The following LIN28B variants were observed in gnomAD, a reference collection of about 807,000 sequenced individuals.
The protein encoded by LIN28B is lin-28 RNA binding posttranscriptional regulator B.
In LIN28B, 5 loss-of-function variants were observed where a neutral mutation model predicts 21.9. The ratio of observed to expected loss-of-function variants is 0.23; its 90% CI spans 0.12 to 0.48. LIN28B has a LOEUF of 0.48. Among genes scored for constraint, LIN28B ranks in the 20% least tolerant of loss-of-function variants. The pLI, the probability that LIN28B is intolerant of heterozygous loss-of-function variation, is 0.98. For synonymous variants in LIN28B, 109 were observed against 111.3 expected (o/e 0.98, Z 0.13); for missense variants, 245 against 310.5 (o/e 0.79, Z 1.58).
chr6:104,990,622 G>T (rs1770444166), intron 2 of LIN28B, among the ~76,000 whole-genome samples: 1 of 150,350 alleles, frequency 6.7e-6, no homozygotes, highest in Non-Finnish European at 1.5e-5. Flanking sequence ...GGGGGATTTG[G>T]CAGGGTCATA....
At chr6:105,033,166 G>A (rs1374749490) in intron 3 of LIN28B, among the ~76,000 whole-genome samples, 1 of 152,022 alleles carries the variant, frequency 6.6e-6, no homozygotes, top group Non-Finnish European at 1.5e-5. Context: ...AATATGAATT[G>A]TTCAAACATC....
At chr6:105,052,122 G>C (rs1011584092) in intron 3 of LIN28B, among the ~76,000 whole-genome samples, 1 of 152,128 alleles carries the variant, frequency 6.6e-6, no homozygotes, top group African/African-American at 2.4e-5. Context: ...CAAAGATTCC[G>C]AGGCATTAAT....
chr6:105,070,172 C>A (rs916067141), intron 3 of LIN28B, among the ~76,000 whole-genome samples: 2 of 152,160 alleles, frequency 1.3e-5, no homozygotes, highest in Non-Finnish European at 2.9e-5. Flanking sequence ...TCCTGGGAAA[C>A]TTTAAAAAGT....
rs545820584 is a variant in LIN28B, at chr6:105,030,781, A to T, written c.383+4299A>T. Among the ~76,000 whole-genome samples the T allele has an allele frequency of 5.9e-4, 90 of 151,812 alleles. No homozygotes were observed. In the South Asian group the frequency reaches 0.018, roughly 30 times the overall value. ...CTGGCTAATTTTGTATTTTTAATAG[A>T]GATGGGTTTTCACCATGTTGGCCAG... On this transcript the variant is annotated intron_variant, in intron 3 of 3. Coordinates refer to ENST00000345080, the MANE Select transcript of LIN28B (RefSeq NM_001004317.4).
At chr6:105,042,930 T>C (rs905800259) in intron 3 of LIN28B, among the ~76,000 whole-genome samples, 1 of 152,168 alleles carries the variant, frequency 6.6e-6, no homozygotes, top group Admixed American at 6.5e-5. Flanking sequence ...TGATTTCTGC[T>C]CTTGTGAGCT....
intron 2 of LIN28B, among the ~76,000 whole-genome samples, chr6:104,993,389 G>A (rs1000304526): frequency 6.6e-6 from 1 of 151,638 alleles, no homozygotes; most frequent in Non-Finnish European, 1.5e-5. Context: ...GATCACTTGA[G>A]CTCAGGATTT....
intron 3 of LIN28B, among the ~76,000 whole-genome samples, chr6:105,050,606 C>T (rs1771879507): frequency 7.7e-4 from 1 of 1,300 alleles, no homozygotes; most frequent in East Asian, 0.012. Context: ...GAGACTCCGT[C>T]TCAAAAAAAA....
At chr6:104,991,795 G>A (rs915008804) in intron 2 of LIN28B, among the ~76,000 whole-genome samples, 6 of 152,198 alleles carry the variant, frequency 3.9e-5, no homozygotes, top group African/African-American at 1.4e-4. Context: ...CAGATCACTC[G>A]CGGTTAGGAG....
chr6:105,002,373 T>A (rs1770737241), intron 2 of LIN28B, among the ~76,000 whole-genome samples: 1 of 152,096 alleles, frequency 6.6e-6, no homozygotes, highest in African/African-American at 2.4e-5. Context: ...TCTTTGACAT[T>A]AATAGGGTTG....
chr6:105,035,958 A>G (rs1562101022), intron 3 of LIN28B, among the ~76,000 whole-genome samples: 2 of 152,142 alleles, frequency 1.3e-5, no homozygotes, highest in Non-Finnish European at 2.9e-5. Context: ...GACTTTTGGG[A>G]AAAAAATAGT....
At chr6:105,051,481 T>C (rs1771902716) in intron 3 of LIN28B, among the ~76,000 whole-genome samples, 1 of 151,266 alleles carries the variant, frequency 6.6e-6, no homozygotes, top group African/African-American at 2.4e-5. Flanking sequence ...GACAACTGTT[T>C]GTAATTGAAT....
chr6:105,073,630 A>C (rs920824798), intron 3 of LIN28B, among the ~76,000 whole-genome samples: 2 of 152,158 alleles, frequency 1.3e-5, no homozygotes, highest in Non-Finnish European at 2.9e-5. Context: ...TTTACATATA[A>C]ATTCTTATTA....
intron 3 of LIN28B, among the ~76,000 whole-genome samples, chr6:105,077,526 C>A (rs1772455345): frequency 6.6e-6 from 1 of 152,128 alleles, no homozygotes; most frequent in Admixed American, 6.5e-5. Flanking sequence ...AAGCTAAAAG[C>A]TGAACTTTCA....
intron 3 of LIN28B, among the ~76,000 whole-genome samples, chr6:105,051,386 C>G (rs1474070505): frequency 6.7e-6 from 1 of 148,206 alleles, no homozygotes; most frequent in Non-Finnish European, 1.5e-5. Context: ...TTGCAGTGAG[C>G]TGAGATCGTG....
chr6:105,028,655 G>A (rs916863571), intron 3 of LIN28B, among the ~76,000 whole-genome samples: 1 of 152,180 alleles, frequency 6.6e-6, no homozygotes, highest in Non-Finnish European at 1.5e-5. Context: ...GAAACCTACA[G>A]AAGGAGCCTG....
chr6:104,961,504 G>A (rs1257221752), intron 2 of LIN28B, among the ~76,000 whole-genome samples: 2 of 151,790 alleles, frequency 1.3e-5, no homozygotes, highest in African/African-American at 2.4e-5. Flanking sequence ...GAGTTCAAGC[G>A]ATTCTTCTGC....
At chr6:104,999,688 CT>C (rs904614577) in intron 2 of LIN28B, among the ~76,000 whole-genome samples, 1 of 150,962 alleles carries the variant, frequency 6.6e-6, no homozygotes, top group African/African-American at 2.4e-5. Context: ...AAAGGAAGTT[CT>C]TTTTTTTTGG....
At chr6:104,969,229 A>C (rs1020971965) in intron 2 of LIN28B, among the ~76,000 whole-genome samples, 6 of 152,178 alleles carry the variant, frequency 3.9e-5, no homozygotes, top group African/African-American at 1.4e-4. Context: ...TTGAATACTC[A>C]GTCTAAGGAC....
At chr6:104,977,713 G>A (rs569616759) in intron 2 of LIN28B, among the ~76,000 whole-genome samples, 6 of 151,990 alleles carry the variant, frequency 3.9e-5, no homozygotes, top group Admixed American at 1.3e-4. Context: ...GAGTACAGGC[G>A]TGCGCCACCA....
Sources: gnomAD v4.1 joint callset for allele counts (sites outside exome capture counted in the v4.1 genomes callset) on GRCh38, gnomAD v4.1.1 for gene constraint, MANE v1.5 for transcripts, NCBI Gene and HGNC (gene_info 2026-07-23, HGNC 2026-07-21) for gene names.